Variants in INVS observed in about 807,000 individuals in gnomAD.
INVS encodes inversion of embryo turning homolog.
In INVS, 86 loss-of-function variants were observed where a neutral mutation model predicts 108.8. That is an observed-to-expected ratio of 0.79 (90% confidence interval 0.66 to 0.95). The LOEUF is 0.95. Among genes scored for constraint, INVS ranks in the 40% least tolerant of loss-of-function variants. The probability of loss-of-function intolerance (pLI) is 0.00; values close to 1 mark genes in which losing one functional copy is unlikely to be tolerated. For synonymous variants in INVS, 455 were observed against 473.5 expected (o/e 0.96, Z 0.51); for missense variants, 1,169 against 1,297.4 (o/e 0.90, Z 1.52).
At chr9:100,134,938 T>C (rs989518854) in intron 3 of INVS, among the ~76,000 whole-genome samples, 2 of 152,198 alleles carry the variant, frequency 1.3e-5, no homozygotes, top group African/African-American at 4.8e-5. Context: ...ATTTATTTGC[T>C]GTTCATATCA....
At chr9:100,266,526 G>A (rs1832798103) in intron 11 of INVS, among the ~76,000 whole-genome samples, 1 of 152,202 alleles carries the variant, frequency 6.6e-6, no homozygotes, top group Non-Finnish European at 1.5e-5. Context: ...GTGTAGCAGT[G>A]AGGACAACCA....
rs150144841 is a variant in INVS at position 100,238,127 on chromosome 9, C to T, written c.616-1933C>T. ...CTCTTGGCCTCAAGTGATCCACCTA[C>T]GTCAGCCTCCCAAAGTGCTGGGATT... On this transcript the variant is annotated intron_variant, in intron 5 of 16. Coordinates refer to ENST00000262457, the MANE Select transcript of INVS (RefSeq NM_014425.5). Among the ~76,000 whole-genome samples, 151 of 152,228 alleles carry T rather than the reference C, an allele frequency of 9.9e-4. No individual in the cohort carries two copies. In the East Asian group the frequency reaches 0.013, roughly 13 times the overall value.
At chr9:100,148,425 A>G (rs1828697984) in intron 3 of INVS, among the ~76,000 whole-genome samples, 1 of 152,200 alleles carries the variant, frequency 6.6e-6, no homozygotes, top group African/African-American at 2.4e-5. Context: ...AAAAAGGTTA[A>G]TAGAAATAGA....
intron 3 of INVS, among the ~76,000 whole-genome samples, chr9:100,190,996 G>T (rs764267130): frequency 6.6e-6 from 1 of 151,938 alleles, no homozygotes; most frequent in Admixed American, 6.6e-5. Flanking sequence ...GAGTAGCTGG[G>T]ACTATAGGCA....
At chr9:100,132,226 CATGAATGA>C (rs10534746) in intron 3 of INVS, among the ~76,000 whole-genome samples, 44,832 of 150,984 alleles carry the variant, frequency 0.3, 9,086 homozygotes, top group African/African-American at 0.58. Flanking sequence ...TTAAGGAATA[CATGAATGA>C]ATGAATGAAT....
At chr9:100,211,542 C>T (rs912696423) in intron 3 of INVS, among the ~76,000 whole-genome samples, 2 of 152,180 alleles carry the variant, frequency 1.3e-5, no homozygotes, top group African/African-American at 4.8e-5. Flanking sequence ...TTTTCTCCTT[C>T]TCTCATTTGT....
intron 3 of INVS, among the ~76,000 whole-genome samples, chr9:100,212,995 T>C (rs1057063371): frequency 2.0e-5 from 3 of 152,162 alleles, no homozygotes; most frequent in Non-Finnish European, 4.4e-5. Context: ...AGATTCTGTG[T>C]CTGGTGAGGG....
chr9:100,134,887 AGACATT>A (rs1341718280), intron 3 of INVS, among the ~76,000 whole-genome samples: 1 of 152,226 alleles, frequency 6.6e-6, no homozygotes, highest in Non-Finnish European at 1.5e-5. Flanking sequence ...TTAATTTCAT[AGACATT>A]ATGTTGAGTG....
intron 15 of INVS, among the ~76,000 whole-genome samples, chr9:100,297,567 G>A (rs747588845): frequency 3.2e-4 from 48 of 152,172 alleles, no homozygotes; most frequent in Non-Finnish European, 6.0e-4. Flanking sequence ...CCCACTATGA[G>A]AATGCTCAAC....
chr9:100,182,957 A>T (rs1343986275), intron 3 of INVS, among the ~76,000 whole-genome samples: 3 of 152,232 alleles, frequency 2.0e-5, no homozygotes, highest in African/African-American at 7.2e-5. Flanking sequence ...AAAAAGGATG[A>T]GTTCATGTCC....
intron 12 of INVS, 79 bp downstream of exon 12, chr9:100,273,155 GC>G: frequency 9.6e-7 from 1 of 1,042,306 alleles, no homozygotes; most frequent in Non-Finnish European, 1.5e-6. Flanking sequence ...TGCTGGGGTG[GC>G]CAGGAGAGGG....
At chr9:100,204,792 A>G (rs1406497644) in intron 3 of INVS, among the ~76,000 whole-genome samples, 2 of 152,122 alleles carry the variant, frequency 1.3e-5, no homozygotes, top group Admixed American at 6.5e-5. Context: ...TACTATATAT[A>G]TAAGAAATAC....
chr9:100,256,394 GTT>G (rs1288662595), intron 10 of INVS, among the ~76,000 whole-genome samples: 1 of 151,924 alleles, frequency 6.6e-6, no homozygotes, highest in South Asian at 2.1e-4. Flanking sequence ...TTTTTGAAGG[GTT>G]TTTTGTGTCT....
intron 12 of INVS, among the ~76,000 whole-genome samples, chr9:100,273,675 C>G (rs1166023975): frequency 6.6e-6 from 1 of 151,398 alleles, no homozygotes; most frequent in South Asian, 2.1e-4. Flanking sequence ...GTAGCTGGGA[C>G]TACAGGCGCG....
chr9:100,246,453 G>A (rs1464279313), intron 7 of INVS, among the ~76,000 whole-genome samples, 163 bp from the exon 8 acceptor site: 1 of 152,170 alleles, frequency 6.6e-6, no homozygotes, highest in Non-Finnish European at 1.5e-5. Context: ...ATCTTCGATG[G>A]AAATTGTAGT....
rs577135977 is a variant in INVS, at chr9:100,211,100, A to G, written c.274-14962A>G. ...GCCTATGTGTTTTCAAGCCCTCCAG[A>G]CGATCTTGATGCATGCTAGAGTTTG... is the stretch of plus-strand genomic sequence containing the variant. On this transcript the variant is annotated intron_variant, in intron 3 of 16. Transcript: ENST00000262457. Among the ~76,000 whole-genome samples, 14 of 152,248 alleles carry G rather than the reference A, an allele frequency of 9.2e-5. No homozygotes were observed. In the South Asian group the frequency reaches 2.9e-3, roughly 32 times the overall value.
At chr9:100,275,114 T>C (rs1324470123) in intron 12 of INVS, among the ~76,000 whole-genome samples, 1 of 152,204 alleles carries the variant, frequency 6.6e-6, no homozygotes, top group African/African-American at 2.4e-5. Flanking sequence ...CTCTTAATGA[T>C]GCCCTCTTCC....
intron 2 of INVS, among the ~76,000 whole-genome samples, chr9:100,109,450 T>C (rs1588004343): frequency 6.6e-6 from 1 of 152,328 alleles, no homozygotes; most frequent in Middle Eastern, 3.4e-3. Flanking sequence ...GCAACAAAGA[T>C]TAATATTGTG....
intron 10 of INVS, 30 bp from the exon 11 acceptor site, chr9:100,264,792 G>A (rs1458007976): frequency 7.1e-7 from 1 of 1,401,248 alleles, no homozygotes; most frequent in Non-Finnish European, 1.0e-6. Flanking sequence ...ACTTACTCCA[G>A]ATGTACTTGA....
Sources: allele counts gnomAD v4.1 joint callset (sites outside exome capture counted in the v4.1 genomes callset), GRCh38; gene constraint gnomAD v4.1.1; transcripts MANE v1.5; gene names NCBI Gene and HGNC (gene_info 2026-07-23, HGNC 2026-07-21).